The following MPPED2 variants were observed in gnomAD, a reference collection of about 807,000 sequenced individuals.
MPPED2 encodes metallophosphoesterase MPPED2.
A neutral mutation model predicts 33.0 loss-of-function variants in MPPED2; 5 were observed. That is an observed-to-expected ratio of 0.15 (90% confidence interval 0.08 to 0.32). MPPED2 has a LOEUF of 0.32. MPPED2 is among the 10% of genes least tolerant of loss of function. The pLI is 1.00. For missense variants in MPPED2, 275 were observed against 372.1 expected, an observed-to-expected ratio of 0.74 and a Z score of 2.15; for synonymous variants, 136 against 141.9, an observed-to-expected ratio of 0.96 and a Z score of 0.29.
At position 30,476,411 on chromosome 11, in the gene MPPED2, A is replaced by G. The variant is rs79825763; in HGVS notation, c.536+18885T>C. Among the ~76,000 whole-genome samples the G allele has an allele frequency of 1.6e-3, 245 of 151,986 alleles. 4 individuals are homozygous for G. The South Asian group carries it at 0.029, about 18-fold the overall frequency. ...TTTTTTAAAAAAATTTAAGTGTAAG[A>G]TCTGTTTTGTAATTATTTTTGTATG... On this transcript the variant is annotated intron_variant, in intron 4 of 6. Transcript: ENST00000358117.
chr11:30,495,047 G>A, intron 4 of MPPED2: 1 of 463,426 alleles, frequency 2.2e-6, no homozygotes, highest in Admixed American at 3.9e-5. Context: ...CATGGACACT[G>A]AGGGAGGCAT....
intron 4 of MPPED2, among the ~76,000 whole-genome samples, chr11:30,477,618 C>T (rs1392583849): frequency 6.6e-6 from 1 of 151,904 alleles, no homozygotes; most frequent in Admixed American, 6.6e-5. Flanking sequence ...GATTTGCTAA[C>T]CTTCCGGAAA....
At chr11:30,421,864 G>A (rs1027214690) in intron 4 of MPPED2, among the ~76,000 whole-genome samples, 2 of 152,188 alleles carry the variant, frequency 1.3e-5, no homozygotes, top group Admixed American at 1.3e-4. Context: ...GTGGCCTTTA[G>A]TAAAAACATA....
intron 2 of MPPED2, among the ~76,000 whole-genome samples, chr11:30,551,414 A>G (rs2134629729): frequency 6.6e-6 from 1 of 152,302 alleles, no homozygotes; most frequent in Admixed American, 6.5e-5. Flanking sequence ...CAGCTTACCT[A>G]TAGTCCCTCC....
At position 30,571,842 on chromosome 11, in the gene MPPED2, G is replaced by A. The variant is rs373144976; in HGVS notation, c.128+8404C>T. Among the ~76,000 whole-genome samples the A allele has an allele frequency of 8.5e-5, 13 of 152,210 alleles. No individual in the cohort carries two copies. In the South Asian group the frequency reaches 2.7e-3, roughly 32 times the overall value. ...CATCTTCATAAGCTTTGAAAGCTTA[G>A]AATTAAAATCGAGTATGTTGCAAAC... On this transcript the variant is annotated intron_variant, in intron 2 of 6. Transcript: ENST00000358117.
chr11:30,461,713 G>A (rs1028731062), intron 4 of MPPED2, among the ~76,000 whole-genome samples: 3 of 152,134 alleles, frequency 2.0e-5, no homozygotes, highest in Non-Finnish European at 2.9e-5. Context: ...GATGTTCCCT[G>A]GAAGTTGACT....
intron 3 of MPPED2, among the ~76,000 whole-genome samples, chr11:30,525,566 T>A (rs1954121309): frequency 6.6e-6 from 1 of 152,042 alleles, no homozygotes; most frequent in Non-Finnish European, 1.5e-5. Flanking sequence ...ATGGGGAGAT[T>A]TCAGGAAAGG....
chr11:30,471,481 C>T (rs1360666701), intron 4 of MPPED2, among the ~76,000 whole-genome samples: 1 of 152,202 alleles, frequency 6.6e-6, no homozygotes, highest in Non-Finnish European at 1.5e-5. Flanking sequence ...GCATGCTGCC[C>T]TTTCTGCCTT....
intron 3 of MPPED2, among the ~76,000 whole-genome samples, chr11:30,528,592 C>T (rs1954337765): frequency 6.6e-6 from 1 of 152,126 alleles, no homozygotes; most frequent in African/African-American, 2.4e-5. Flanking sequence ...AACATGTGAG[C>T]TTTCATAATT....
chr11:30,432,271 G>T (rs539350335), intron 4 of MPPED2, among the ~76,000 whole-genome samples: 74 of 152,084 alleles, frequency 4.9e-4, no homozygotes, highest in African/African-American at 1.7e-3. Context: ...AGATGCTGAT[G>T]AATTCAAGGA....
At position 30,418,699 on chromosome 11, in the gene MPPED2, C is replaced by A. The variant is rs113833048; in HGVS notation, c.537-1066G>T. On this transcript the variant is annotated intron_variant, in intron 4 of 6. Transcript: ENST00000358117. ...TCAGTTTAACCTGCCCCTTCCATGC[C>A]AAATGAAAGAGGTAAACCTGTGTAT... Among the ~76,000 whole-genome samples the A allele has an allele frequency of 2.1e-3, 320 of 152,326 alleles. 6 individuals are homozygous for A. Among genetic ancestry groups the A allele is most frequent in the African/African-American group, 7.0e-3 (290 of 41,572 alleles).
chr11:30,423,632 G>C (rs188520620), intron 4 of MPPED2, among the ~76,000 whole-genome samples: 404 of 152,310 alleles, frequency 2.7e-3, no homozygotes, highest in Admixed American at 4.8e-3. Flanking sequence ...TCAAGTTCCA[G>C]ACTGGCCAAT....
chr11:30,507,861 A>T (rs997622141), intron 3 of MPPED2, among the ~76,000 whole-genome samples: 3 of 152,230 alleles, frequency 2.0e-5, no homozygotes, highest in African/African-American at 7.2e-5. Flanking sequence ...AGCAGTAAAA[A>T]GTACGTAGTA....
chr11:30,507,507 C>T (rs1257200859), intron 3 of MPPED2, among the ~76,000 whole-genome samples: 1 of 152,152 alleles, frequency 6.6e-6, no homozygotes, highest in African/African-American at 2.4e-5. Context: ...TGATTCTTCC[C>T]ATTTTATAAC....
At position 30,473,555 on chromosome 11, in the gene MPPED2, T is replaced by C. The variant is rs540321408; in HGVS notation, c.536+21741A>G. On this transcript the variant is annotated intron_variant, in intron 4 of 6. Coordinates refer to ENST00000358117, the MANE Select transcript of MPPED2 (RefSeq NM_001584.3). ...GTAGCCTCTAAGATGTTCCCAGCGATCTCCCTGTCTGGTATTCATGCCCAT... is the reference window on the plus strand; with the variant it reads ...GTAGCCTCTAAGATGTTCCCAGCGACCTCCCTGTCTGGTATTCATGCCCAT... Among the ~76,000 whole-genome samples the C allele has an allele frequency of 1.3e-4, 20 of 152,204 alleles. No individual in the cohort carries two copies. The South Asian group carries it at 4.2e-3, about 32-fold the overall frequency.
chr11:30,390,725 G>T (rs1329978624), intron 6 of MPPED2, among the ~76,000 whole-genome samples: 1 of 152,206 alleles, frequency 6.6e-6, no homozygotes, highest in Non-Finnish European at 1.5e-5. Context: ...TGGCTCCAAG[G>T]TTGCTGTGCC....
At chr11:30,516,157 A>G (rs1171726397) in intron 3 of MPPED2, among the ~76,000 whole-genome samples, 1 of 152,280 alleles carries the variant, frequency 6.6e-6, no homozygotes, top group African/African-American at 2.4e-5. Context: ...GCCACTTTAG[A>G]TTGATCAGAG....
At chr11:30,412,087 CTCT>C (rs1231161737) in intron 6 of MPPED2, among the ~76,000 whole-genome samples, 1 of 151,664 alleles carries the variant, frequency 6.6e-6, no homozygotes, top group Non-Finnish European at 1.5e-5. Context: ...ATGAAATAAT[CTCT>C]TAACTGCCTT....
intron 4 of MPPED2, among the ~76,000 whole-genome samples, chr11:30,473,070 T>C (rs1590420776): frequency 6.6e-6 from 1 of 152,276 alleles, no homozygotes. Context: ...TTAAAAAAAG[T>C]TTAAAAGCCA....
Sources: gnomAD v4.1 joint callset for allele counts (sites outside exome capture counted in the v4.1 genomes callset) on GRCh38, gnomAD v4.1.1 for gene constraint, MANE v1.5 for transcripts, NCBI Gene and HGNC (gene_info 2026-07-23, HGNC 2026-07-21) for gene names.